The following PCSK1 variants were observed in gnomAD, a reference collection of about 807,000 sequenced individuals.
The protein encoded by PCSK1 is proprotein convertase subtilisin/kexin type 1.
In PCSK1, 56 loss-of-function variants were observed where a neutral mutation model predicts 90.6. That is an observed-to-expected ratio of 0.62 (90% CI 0.50 to 0.77). PCSK1 has a LOEUF of 0.77. Among genes scored for constraint, PCSK1 ranks in the 30% least tolerant of loss-of-function variants. PCSK1 has a pLI of 0.00. For synonymous variants in PCSK1, 348 were observed against 342.4 expected, an observed-to-expected ratio of 1.02 and a Z score of -0.18; for missense variants, 801 against 932.6, an observed-to-expected ratio of 0.86 and a Z score of 1.84.
intron 9 of PCSK1, among the ~76,000 whole-genome samples, chr5:96,407,433 T>A (rs1370400588): frequency 6.6e-6 from 1 of 152,186 alleles, no homozygotes; most frequent in Admixed American, 6.5e-5. Context: ...TTTTAAAAGA[T>A]AATAAAAGTA....
chr5:96,420,110 C>G (rs1436740906), intron 5 of PCSK1, among the ~76,000 whole-genome samples: 3 of 152,096 alleles, frequency 2.0e-5, no homozygotes, highest in Non-Finnish European at 1.5e-5. Context: ...CTACTCCACT[C>G]TAAGAAGGCT....
At chr5:96,432,214 C>A in intron 1 of PCSK1, 2 of 1,225,446 alleles carry the variant, frequency 1.6e-6, no homozygotes, top group Non-Finnish European at 2.3e-6. Context: ...GCCGGAGCTC[C>A]CTAGAGAGTC....
At position 96,410,946 on chromosome 5, in the gene PCSK1, C is replaced by G; in HGVS notation, c.923G>C (p.Gly308Ala). 1 of 1,613,992 alleles carries G rather than the reference C, an allele frequency of 6.2e-7. No individual in the cohort carries two copies. Among genetic ancestry groups the G allele is most frequent in the Non-Finnish European group, 8.5e-7 (1 of 1,180,002 alleles). Residue 308 changes from glycine to alanine, a missense_variant, in exon 8 of 14, where the codon GGA becomes GCA. By Grantham distance (60) the Gly-to-Ala change is moderately conservative. Transcript: ENST00000311106. ...GKGSIFVWAS[G>A]NGGRQGDNCD... ...ATTATCTCCCTGACGCCCCCCGTTT[C>G]CCGAAGCCCAGACGAAGATGGACCC...
At chr5:96,413,839 G>A (rs1760851658) in intron 6 of PCSK1, among the ~76,000 whole-genome samples, 1 of 146,006 alleles carries the variant, frequency 6.8e-6, no homozygotes, top group Non-Finnish European at 1.5e-5. Context: ...AAAAAAATCG[G>A]CCAGGTGCGG....
In PCSK1 at chr5:96,412,385, T is replaced by A. The variant is rs752416942; in HGVS notation, c.815A>T (p.Asp272Val). ...AGGCCCCTCCACAGTTTTCCCATCA[T>A]CATTAGGGCCCCAGCTTGCACTGTA... Reference protein sequence around the residue: ...DIYSASWGPNDDGKTVEGPGR... With the variant: ...DIYSASWGPNVDGKTVEGPGR... The change falls in exon 7 of 14, where the codon GAT becomes GTT. Residue 272 changes from aspartate to valine, a missense_variant. Asp to Val is a radical substitution (Grantham distance 152, BLOSUM62 -3). Coordinates refer to ENST00000311106, the MANE Select transcript of PCSK1 (RefSeq NM_000439.5). 1.2e-6 allele frequency: 2 copies of A among 1,614,014 alleles called. No homozygotes were observed. The highest frequency in any genetic ancestry group is 1.7e-6 in the Non-Finnish European group (2 of 1,180,010).
Position 96,393,104 on chromosome 5 carries a change from A to C in PCSK1, c.2159T>G (p.Leu720Arg). Residue 720 changes from leucine to arginine, a missense_variant, in exon 14 of 14, where the codon CTG (leucine) becomes CGG (arginine). Leu to Arg is a moderately radical substitution (Grantham distance 102, BLOSUM62 -2). Transcript: ENST00000311106. The part of the protein sequence containing the change: ...PSQLKDSEDS[L>R]YNDYVDVFYN... ...AAAAACATCAACATAGTCATTATAC[A>C]GACTGTCTTCAGAGTCTTTAAGCTG... 1 of 1,614,156 alleles carries C rather than the reference A, an allele frequency of 6.2e-7. No homozygotes were observed. The highest frequency in any genetic ancestry group is 8.5e-7 in the Non-Finnish European group (1 of 1,179,998).
At chr5:96,411,460 A>G (rs773145743) in intron 7 of PCSK1, among the ~76,000 whole-genome samples, 6 of 152,236 alleles carry the variant, frequency 3.9e-5, no homozygotes, top group Non-Finnish European at 8.8e-5. Flanking sequence ...CGCCCTTTCT[A>G]TGATTTTTCA....
At chr5:96,412,759 T>TTTTTC (rs1271136857) in intron 6 of PCSK1, among the ~76,000 whole-genome samples, 1 of 143,524 alleles carries the variant, frequency 7.0e-6, no homozygotes, top group East Asian at 2.0e-4. Context: ...GATGTTTTTT[T>TTTTTC]TTTTTTTTTT....
chr5:96,407,646 T>G (rs1760618184), intron 9 of PCSK1, among the ~76,000 whole-genome samples: 1 of 152,218 alleles, frequency 6.6e-6, no homozygotes. Flanking sequence ...TTACTGACAA[T>G]GGTGTTTAAG....
At chr5:96,411,683 A>G (rs772801403) in intron 7 of PCSK1, among the ~76,000 whole-genome samples, 4 of 152,230 alleles carry the variant, frequency 2.6e-5, no homozygotes, top group African/African-American at 4.8e-5. Flanking sequence ...TACTAGTGTA[A>G]AAACCCAAAA....
rs777427495 is a variant in PCSK1, at chr5:96,423,465, A to G, written c.397-6T>C. 90 of 1,613,724 alleles carry G rather than the reference A, an allele frequency of 5.6e-5. No homozygotes were observed. The East Asian group carries it at 2.0e-3, about 35-fold the overall frequency. On this transcript the variant is annotated splice_region_variant and splice_polypyrimidine_tract_variant and intron_variant, in intron 3 of 13. Coordinates refer to ENST00000311106, the MANE Select transcript of PCSK1 (RefSeq NM_000439.5). ...GCCGTCATCCTGGTATCTTGCTGGT[A>G]AAGAAAAACAACGAAGCATTGATAA...
chr5:96,399,138 C>A (rs1390603035), intron 10 of PCSK1, 102 bp from the exon 11 acceptor site: 3 of 801,588 alleles, frequency 3.7e-6, no homozygotes, highest in Non-Finnish European at 6.3e-6. Context: ...CTCAACTAAG[C>A]TTTTTGTCAC....
intron 1 of PCSK1, among the ~76,000 whole-genome samples, chr5:96,432,593 G>C (rs1184387749): frequency 6.6e-6 from 1 of 152,222 alleles, no homozygotes; most frequent in East Asian, 1.9e-4. Context: ...CGCGGGAACG[G>C]ATTTCAATTC....
chr5:96,424,841 T>G lies in PCSK1; in HGVS notation c.396+979A>C, dbSNP rs1761231697. Reference sequence around the variant, plus strand: ...AGCTGGGCATGGTGGCGGGCATCTGTAATCCAAGCTACTCCAGAGGCTGAG... The same window carrying G: ...AGCTGGGCATGGTGGCGGGCATCTGGAATCCAAGCTACTCCAGAGGCTGAG... On this transcript the variant is annotated intron_variant, in intron 3 of 13. Coordinates refer to ENST00000311106, the MANE Select transcript of PCSK1 (RefSeq NM_000439.5). 2.6e-5 allele frequency among the ~76,000 whole-genome samples: 4 copies of G among 151,660 alleles called. No individual in the cohort carries two copies. In the South Asian group the frequency reaches 8.3e-4, roughly 32 times the overall value.
chr5:96,428,181 G>A (rs990927047), intron 2 of PCSK1, among the ~76,000 whole-genome samples: 4 of 151,902 alleles, frequency 2.6e-5, no homozygotes, highest in African/African-American at 9.7e-5. Context: ...TGAATAAAAG[G>A]GCAAATTATC....
rs1759912547 is a variant in PCSK1 at position 96,390,794 on chromosome 5, C to T, written c.*2207G>A. 6.6e-6 allele frequency: 1 copy of T among 152,602 alleles called. No individual in the cohort carries two copies. The highest frequency in any genetic ancestry group is 2.1e-4 in the South Asian group (1 of 4,828). The allele number at this position is 152,602 out of a possible 1,614,324, so 9.5% of individuals were successfully genotyped here. A position where few individuals can be genotyped will look rare whatever the true frequency, so the allele number is the denominator to read the frequency against. ...AAATCCACACAGGCACTAAGAAAGA[C>T]TGACAAAACTGTTTTATATCTGAAT... On this transcript the variant is annotated 3_prime_UTR_variant, in exon 14 of 14. Transcript: ENST00000311106.
At chr5:96,395,841 AAT>A (rs373086324) in intron 12 of PCSK1, among the ~76,000 whole-genome samples, 4 of 68,112 alleles carry the variant, frequency 5.9e-5, no homozygotes, top group Admixed American at 2.8e-4. Context: ...AAAATAAATA[AAT>A]AAGAGGTCTA....
At chr5:96,421,018 G>A (rs1211342962) in intron 5 of PCSK1, among the ~76,000 whole-genome samples, 1 of 152,190 alleles carries the variant, frequency 6.6e-6, no homozygotes. Flanking sequence ...AAATGAAAAG[G>A]AAAGTTTGAG....
chr5:96,422,021 C>CA, intron 4 of PCSK1, 65 bp from the exon 5 acceptor site: 2 of 672,800 alleles, frequency 3.0e-6, no homozygotes, highest in Non-Finnish European at 2.4e-6. Context: ...AAAAAAAAAG[C>CA]ATCACTTCCC....
Sources: gnomAD v4.1 joint callset for allele counts (sites outside exome capture counted in the v4.1 genomes callset) on GRCh38, gnomAD v4.1.1 for gene constraint, MANE v1.5 for transcripts, NCBI Gene and HGNC (gene_info 2026-07-23, HGNC 2026-07-21) for gene names.